IMMP2L: variants seen among roughly 807,000 people sequenced by gnomAD.
The protein encoded by IMMP2L is inner mitochondrial membrane peptidase subunit 2.
In IMMP2L, 18 loss-of-function variants were observed where a neutral mutation model predicts 19.3. That is an observed-to-expected ratio of 0.93 (90% confidence interval 0.64 to 1.38). The LOEUF (loss-of-function observed/expected upper bound fraction) is 1.38, where lower values mean the gene tolerates loss of function less well. Ranked by LOEUF, IMMP2L falls within the 40% of genes most tolerant of loss-of-function variation. IMMP2L has a pLI of 0.00. For missense variants in IMMP2L, 233 were observed against 218.2 expected, an observed-to-expected ratio of 1.07 and a Z score of -0.43; for synonymous variants, 76 against 73.0, an observed-to-expected ratio of 1.04 and a Z score of -0.21.
intron 3 of IMMP2L, among the ~76,000 whole-genome samples, chr7:111,149,765 T>C (rs1803872978): frequency 6.6e-6 from 1 of 152,144 alleles, no homozygotes; most frequent in Admixed American, 6.6e-5. Flanking sequence ...ATAACCTACA[T>C]AACAAAATTA....
intron 5 of IMMP2L, among the ~76,000 whole-genome samples, chr7:110,841,782 T>G (rs1038994930): frequency 2.0e-5 from 3 of 152,178 alleles, no homozygotes; most frequent in Admixed American, 2.0e-4. Flanking sequence ...TGCTTACATA[T>G]TTGCAGAAGT....
At chr7:111,446,859 T>G (rs1367156756) in intron 3 of IMMP2L, among the ~76,000 whole-genome samples, 1 of 150,942 alleles carries the variant, frequency 6.6e-6, no homozygotes, top group Non-Finnish European at 1.5e-5. Flanking sequence ...GAGAAATGCT[T>G]AAAGGAGCTG....
At chr7:111,441,503 T>C (rs1447517792) in intron 3 of IMMP2L, among the ~76,000 whole-genome samples, 1 of 151,728 alleles carries the variant, frequency 6.6e-6, no homozygotes, top group Non-Finnish European at 1.5e-5. Flanking sequence ...AGGTCGGGCA[T>C]GTTATATGAG....
intron 3 of IMMP2L, among the ~76,000 whole-genome samples, chr7:111,108,092 G>T (rs527522384): frequency 5.3e-5 from 8 of 152,026 alleles, no homozygotes; most frequent in Non-Finnish European, 8.8e-5. Context: ...AGTGTCTTCT[G>T]TAAGTGTCAC....
intron 5 of IMMP2L, among the ~76,000 whole-genome samples, chr7:110,720,266 T>C (rs1795485714): frequency 6.6e-6 from 1 of 152,194 alleles, no homozygotes; most frequent in Non-Finnish European, 1.5e-5. Flanking sequence ...CGTAGAGGTA[T>C]AATTCTATTT....
rs141440041 is a variant in IMMP2L at position 110,791,899 on chromosome 7, T to C, written c.408+94694A>G. On this transcript the variant is annotated intron_variant, in intron 5 of 5. Coordinates refer to ENST00000405709, the MANE Select transcript of IMMP2L (RefSeq NM_032549.4). ...CTCCTGCCCTGGAAAGGGCAAATGA[T>C]GAGGTGGAGAGAAGCAGGGGCATGT... is the stretch of plus-strand genomic sequence containing the variant. Among the ~76,000 whole-genome samples, 697 of 151,944 alleles carry C rather than the reference T, an allele frequency of 4.6e-3. 26 individuals are homozygous for C. Among genetic ancestry groups the C allele is most frequent in the African/African-American group, 0.016 (655 of 41,272 alleles).
At chr7:111,300,094 G>GTGA (rs903006093) in intron 3 of IMMP2L, among the ~76,000 whole-genome samples, 1 of 152,176 alleles carries the variant, frequency 6.6e-6, no homozygotes, top group Admixed American at 6.5e-5. Flanking sequence ...TCTTAGTTGA[G>GTGA]TAAGTGATAC....
intron 3 of IMMP2L, chr7:111,099,985 C>G (rs1797799528): frequency 6.6e-6 from 1 of 151,620 alleles, no homozygotes; most frequent in South Asian, 2.1e-4. Flanking sequence ...TACAACTCAC[C>G]TCATTTCACT....
intron 5 of IMMP2L, among the ~76,000 whole-genome samples, chr7:110,854,560 T>C (rs973047544): frequency 6.6e-6 from 1 of 152,054 alleles, no homozygotes; most frequent in Non-Finnish European, 1.5e-5. Context: ...AATAACTCCA[T>C]ATTGACCTCA....
rs1798114476 is a variant in IMMP2L at position 110,757,696 on chromosome 7, T to C, written c.409-93975A>G. 1.3e-5 allele frequency among the ~76,000 whole-genome samples: 2 copies of C among 152,264 alleles called. No individual in the cohort carries two copies. The highest frequency in any genetic ancestry group is 4.1e-4 in the South Asian group (2 of 4,828). Reference sequence around the variant, plus strand: ...GCTCTGCTTTATCAGGCCTGGGATATGCATATCCTTCCTAGACTCCCTCTG... The same window carrying C: ...GCTCTGCTTTATCAGGCCTGGGATACGCATATCCTTCCTAGACTCCCTCTG... On this transcript the variant is annotated intron_variant, in intron 5 of 5. Coordinates refer to ENST00000405709, the MANE Select transcript of IMMP2L (RefSeq NM_032549.4). This position sits in a 1 kb window ranked among gnomAD's most constrained non-coding sequence, Gnocchi z 4.2.
chr7:110,918,834 T>A (rs1372321240), intron 4 of IMMP2L, among the ~76,000 whole-genome samples: 2 of 152,214 alleles, frequency 1.3e-5, no homozygotes, highest in Non-Finnish European at 2.9e-5. Flanking sequence ...CTAATAATTT[T>A]AAAAAGATTA....
intron 3 of IMMP2L, among the ~76,000 whole-genome samples, chr7:111,348,456 T>C (rs935610104): frequency 1.3e-5 from 2 of 152,068 alleles, no homozygotes; most frequent in Non-Finnish European, 2.9e-5. Flanking sequence ...TAGATGTTCA[T>C]GTTTTCTTAA....
At chr7:111,030,816 G>A (rs1790685390) in intron 3 of IMMP2L, among the ~76,000 whole-genome samples, 1 of 150,556 alleles carries the variant, frequency 6.6e-6, no homozygotes, top group Admixed American at 6.6e-5. Flanking sequence ...ATACATATGT[G>A]TGTATATGTG....
intron 3 of IMMP2L, among the ~76,000 whole-genome samples, chr7:111,143,331 G>A (rs10242573): frequency 0.048 from 7,278 of 152,048 alleles, 213 homozygotes; most frequent in South Asian, 0.081. Flanking sequence ...CAACCTCTGC[G>A]CCAGGCTAAA....
At chr7:111,114,137 C>T (rs924760091) in intron 3 of IMMP2L, among the ~76,000 whole-genome samples, 3 of 150,992 alleles carry the variant, frequency 2.0e-5, no homozygotes, top group African/African-American at 7.3e-5. Flanking sequence ...TAAATCTACA[C>T]ACACACACAC....
intron 4 of IMMP2L, among the ~76,000 whole-genome samples, chr7:110,953,977 G>A (rs879294002): frequency 6.6e-6 from 1 of 152,086 alleles, no homozygotes; most frequent in Non-Finnish European, 1.5e-5. Flanking sequence ...TTTGAGAAGT[G>A]TCTGTTCATA....
chr7:111,242,748 G>C (rs572034217), intron 3 of IMMP2L, among the ~76,000 whole-genome samples: 28 of 151,890 alleles, frequency 1.8e-4, no homozygotes, highest in African/African-American at 6.5e-4. Flanking sequence ...GGCACAACTA[G>C]ATCATGATAA....
intron 3 of IMMP2L, among the ~76,000 whole-genome samples, chr7:111,173,141 A>C (rs750404618): frequency 1.3e-5 from 2 of 151,556 alleles, no homozygotes; most frequent in Non-Finnish European, 3.0e-5. Context: ...AAACATTAAT[A>C]TTACTACTGA....
chr7:111,150,611 T>C (rs1692541919), intron 3 of IMMP2L, among the ~76,000 whole-genome samples: 1 of 152,174 alleles, frequency 6.6e-6, no homozygotes, highest in South Asian at 2.1e-4. Context: ...GTGTGTTTTG[T>C]CCTTTGTTTT....
Sources: gnomAD v4.1 joint callset for allele counts (sites outside exome capture counted in the v4.1 genomes callset) on GRCh38, gnomAD v4.1.1 for gene constraint, Gnocchi (gnomAD v3.1) non-coding constraint, MANE v1.5 for transcripts, NCBI Gene and HGNC (gene_info 2026-07-23, HGNC 2026-07-21) for gene names.